The following SMYD3 variants were observed in gnomAD, a reference collection of about 807,000 sequenced individuals.
SMYD3 encodes the protein histone-lysine N-methyltransferase SMYD3.
SMYD3 carries 36 observed loss-of-function variants against 57.7 expected under a neutral mutation model. That is an observed-to-expected ratio of 0.62 (90% CI 0.48 to 0.82). The LOEUF (loss-of-function observed/expected upper bound fraction) is 0.82. Ranked by LOEUF, SMYD3 falls within the 40% of genes least tolerant of loss-of-function variation. SMYD3 has a pLI of 0.00. For synonymous variants in SMYD3, 211 were observed against 195.0 expected, an observed-to-expected ratio of 1.08 and a Z score of -0.68; for missense variants, 515 against 538.8, an observed-to-expected ratio of 0.96 and a Z score of 0.44.
chr1:245,914,449 G>T (rs2055248744), intron 8 of SMYD3, among the ~76,000 whole-genome samples: 1 of 152,218 alleles, frequency 6.6e-6, no homozygotes, highest in South Asian at 2.1e-4. Flanking sequence ...TCATGAAAAT[G>T]ATATTCTGTC....
At chr1:246,416,737 G>A (rs1045690698) in intron 1 of SMYD3, among the ~76,000 whole-genome samples, 2 of 151,418 alleles carry the variant, frequency 1.3e-5, no homozygotes, top group Admixed American at 1.3e-4. Flanking sequence ...GGGCACTTCC[G>A]AATTTTAAAA....
intron 5 of SMYD3, among the ~76,000 whole-genome samples, chr1:246,016,708 AGAGGGGCCAG>A (rs917351506): frequency 2.0e-5 from 3 of 152,160 alleles, no homozygotes; most frequent in African/African-American, 7.2e-5. Context: ...GCACTGTGGA[AGAGGGGCCAG>A]GAGGGGCTGA....
At chr1:245,764,925 T>A (rs2046006784) in intron 10 of SMYD3, among the ~76,000 whole-genome samples, 1 of 152,016 alleles carries the variant, frequency 6.6e-6, no homozygotes, top group Non-Finnish European at 1.5e-5. Flanking sequence ...GAATTTACCA[T>A]ATTGGATTTA....
intron 1 of SMYD3, among the ~76,000 whole-genome samples, chr1:246,449,472 A>G (rs1202615859): frequency 6.6e-6 from 1 of 152,160 alleles, no homozygotes; most frequent in Non-Finnish European, 1.5e-5. Flanking sequence ...ACAGTGTGAT[A>G]TGGGGCAGGA....
intron 5 of SMYD3, among the ~76,000 whole-genome samples, chr1:246,300,915 A>G (rs2064883102): frequency 6.6e-6 from 1 of 152,174 alleles, no homozygotes; most frequent in African/African-American, 2.4e-5. Context: ...CAAAATAGAA[A>G]CAAGGGATAT....
intron 3 of SMYD3, among the ~76,000 whole-genome samples, chr1:246,333,209 T>C (rs995227974): frequency 6.6e-6 from 1 of 152,194 alleles, no homozygotes; most frequent in Non-Finnish European, 1.5e-5. Flanking sequence ...CAGAAGAACT[T>C]GGTTCCAACC....
intron 1 of SMYD3, among the ~76,000 whole-genome samples, chr1:246,436,190 G>GA (rs56349877): frequency 0.52 from 73,366 of 141,286 alleles, 18,984 homozygotes; most frequent in Admixed American, 0.66. Flanking sequence ...TTTCTTATTT[G>GA]AAAAAAAAAA....
At chr1:246,405,878 C>T (rs1040389266) in intron 1 of SMYD3, among the ~76,000 whole-genome samples, 5 of 148,124 alleles carry the variant, frequency 3.4e-5, no homozygotes, top group African/African-American at 5.0e-5. Flanking sequence ...CCACTGCACT[C>T]CAGCCTGGGC....
At chr1:246,039,416 G>T (rs2059830818) in intron 5 of SMYD3, among the ~76,000 whole-genome samples, 1 of 152,156 alleles carries the variant, frequency 6.6e-6, no homozygotes, top group South Asian at 2.1e-4. Context: ...TAGAAAATGT[G>T]TATTTACCGA....
intron 10 of SMYD3, among the ~76,000 whole-genome samples, chr1:245,801,404 CG>C (rs753671682): frequency 6.6e-6 from 1 of 152,270 alleles, no homozygotes; most frequent in Non-Finnish European, 1.5e-5. Flanking sequence ...TTTCTAGCCA[CG>C]GTAACTAAAC....
intron 10 of SMYD3, among the ~76,000 whole-genome samples, chr1:245,793,017 A>G (rs1175487850): frequency 6.6e-6 from 1 of 152,198 alleles, no homozygotes; most frequent in Admixed American, 6.5e-5. Flanking sequence ...AGTTAGAAAT[A>G]TCTTCCATAT....
At chr1:246,428,909 C>T (rs1219969888) in intron 1 of SMYD3, among the ~76,000 whole-genome samples, 1 of 151,868 alleles carries the variant, frequency 6.6e-6, no homozygotes, top group Non-Finnish European at 1.5e-5. Context: ...CCAGAGCTAG[C>T]TTGCAGCTCA....
intron 5 of SMYD3, among the ~76,000 whole-genome samples, chr1:246,034,236 C>T (rs2059730271): frequency 6.6e-6 from 1 of 152,190 alleles, no homozygotes; most frequent in African/African-American, 2.4e-5. Flanking sequence ...ATAACATACA[C>T]ACTTTTTGGA....
At chr1:246,401,382 G>C (rs1464328206) in intron 1 of SMYD3, among the ~76,000 whole-genome samples, 1 of 151,862 alleles carries the variant, frequency 6.6e-6, no homozygotes, top group Non-Finnish European at 1.5e-5. Flanking sequence ...GGCCCAGGCT[G>C]GAGTGCAGTG....
intron 10 of SMYD3, among the ~76,000 whole-genome samples, chr1:245,815,764 C>A (rs1047227570): frequency 6.6e-6 from 1 of 152,226 alleles, no homozygotes; most frequent in Non-Finnish European, 1.5e-5. Context: ...ACTGAATCAA[C>A]CCCTAAGAGA....
At chr1:245,874,645 A>G (rs2052391232) in intron 8 of SMYD3, among the ~76,000 whole-genome samples, 1 of 152,262 alleles carries the variant, frequency 6.6e-6, no homozygotes, top group Non-Finnish European at 1.5e-5. Context: ...ACACAAGCCA[A>G]AAGTTCAAAA....
intron 5 of SMYD3, among the ~76,000 whole-genome samples, chr1:246,184,079 CA>C (rs1175957206): frequency 3.3e-5 from 5 of 152,168 alleles, no homozygotes; most frequent in Admixed American, 1.3e-4. Context: ...CCAAGATCCA[CA>C]AAAGATCAGG....
At chr1:246,008,856 A>G (rs2059225527) in intron 5 of SMYD3, among the ~76,000 whole-genome samples, 1 of 152,222 alleles carries the variant, frequency 6.6e-6, no homozygotes, top group South Asian at 2.1e-4. Context: ...AGGCCTGCAG[A>G]GTGAGGTAAA....
chr1:246,090,813 G>A (rs551236954), intron 5 of SMYD3, among the ~76,000 whole-genome samples: 16 of 151,538 alleles, frequency 1.1e-4, no homozygotes, highest in African/African-American at 2.9e-4. Flanking sequence ...TACCACACCC[G>A]GCTCTTTCTC....
Sources: allele counts gnomAD v4.1 joint callset (sites outside exome capture counted in the v4.1 genomes callset), GRCh38; gene constraint gnomAD v4.1.1; transcripts MANE v1.5; gene names NCBI Gene and HGNC (gene_info 2026-07-23, HGNC 2026-07-21).